Variants in SYNE2 observed in about 807,000 individuals in gnomAD.
SYNE2 encodes the protein spectrin repeat containing nuclear envelope protein 2, also known as nesprin-2.
Under a neutral mutation model 856.3 loss-of-function variants are expected in SYNE2, and 431 were observed. The observed-to-expected ratio is 0.50, with a 90% CI of 0.47 to 0.55. The LOEUF (loss-of-function observed/expected upper bound fraction) is 0.55, where lower values mean the gene tolerates loss of function less well. SYNE2 is among the 20% of genes least tolerant of loss of function. SYNE2 has a pLI of 0.00. For synonymous variants in SYNE2, 2,923 were observed against 2,872.3 expected, an observed-to-expected ratio of 1.02 and a Z score of -0.56; for missense variants, 8,129 against 8,023.2, an observed-to-expected ratio of 1.01 and a Z score of -0.50.
intron 1 of SYNE2, among the ~76,000 whole-genome samples, chr14:63,841,748 G>A (rs928978632): frequency 2.0e-5 from 3 of 151,446 alleles, no homozygotes; most frequent in Admixed American, 1.3e-4. Flanking sequence ...GAAGTTGAAT[G>A]TCTCGTAAGG....
chr14:64,085,202 A>G, intron 57 of SYNE2: 2 of 535,848 alleles, frequency 3.7e-6, no homozygotes, highest in South Asian at 5.5e-5. Context: ...CCTCCCAGGT[A>G]GTTGGGACTA....
At chr14:64,102,855 A>G (rs980507638) in intron 64 of SYNE2, among the ~76,000 whole-genome samples, 1 of 151,974 alleles carries the variant, frequency 6.6e-6, no homozygotes, top group Admixed American at 6.6e-5. Flanking sequence ...CTCTGCTTCT[A>G]TGCAGTCCAT....
intron 27 of SYNE2, among the ~76,000 whole-genome samples, chr14:63,999,757 GC>G (rs1567013482): frequency 6.6e-6 from 1 of 152,178 alleles, no homozygotes; most frequent in Non-Finnish European, 1.5e-5. Flanking sequence ...CAGATGGAGG[GC>G]CATAGGTAGT....
chr14:63,905,221 A>G (rs765467310), intron 1 of SYNE2, among the ~76,000 whole-genome samples: 1 of 152,152 alleles, frequency 6.6e-6, no homozygotes, highest in Non-Finnish European at 1.5e-5. Flanking sequence ...GCCATAGAGT[A>G]TATTTTGAAA....
intron 81 of SYNE2, 135 bp from the exon 82 acceptor site, chr14:64,141,807 G>C (rs926286013): frequency 1.1e-5 from 13 of 1,203,334 alleles, no homozygotes; most frequent in Non-Finnish European, 4.6e-6. Flanking sequence ...TTGAATGCTG[G>C]GTTTGTTTTT....
chr14:64,146,207 T>C lies in SYNE2; in HGVS notation c.15623T>C (p.Leu5208Pro), dbSNP rs750284061. 3 of 1,611,410 alleles carry C rather than the reference T, an allele frequency of 1.9e-6. No homozygotes were observed. The highest frequency in any genetic ancestry group is 1.7e-5 in the Admixed American group (1 of 59,494). ...KPESVISVQKLLLDCQDIENQ... is the reference protein window; with the variant it reads ...KPESVISVQKPLLDCQDIENQ... ...GAAAGTGTGATCTCAGTGCAGAAGC[T>C]GCTCCTGGACTGTCAGGTGAGGAGG... The change falls in exon 84 of 116, where the codon CTG becomes CCG. Residue 5208 changes from leucine to proline, a missense_variant. This residue lies in a region of SYNE2 where 5,410 missense variants were observed against 5,284.8 expected (regional missense o/e 1.02). Coordinates refer to ENST00000555002, the MANE Select transcript of SYNE2 (RefSeq NM_182914.3).
intron 67 of SYNE2, 113 bp from the exon 68 acceptor site, chr14:64,120,814 T>C (rs1226579220): frequency 1.8e-6 from 2 of 1,117,840 alleles, no homozygotes; most frequent in Non-Finnish European, 2.6e-6. Context: ...AATAACAAAA[T>C]ACCATCATTT....
intron 5 of SYNE2, 27 bp downstream of exon 5, chr14:63,941,989 C>T: frequency 6.2e-7 from 1 of 1,603,268 alleles, no homozygotes; most frequent in Non-Finnish European, 8.5e-7. Flanking sequence ...CTTAAAAATT[C>T]ACAGGAGAGA....
chr14:64,144,618 AAATT>A lies in SYNE2; in HGVS notation c.15483+674_15483+677del, dbSNP rs369352230. On this transcript the variant is annotated intron_variant, in intron 83 of 115. Coordinates refer to ENST00000555002, the MANE Select transcript of SYNE2 (RefSeq NM_182914.3). ...AACATAATGCACTTAATTAGAAAAA[AAATT>A]AATCAGATAAGGACAAAAACCCAAA... 2.3e-4 allele frequency among the ~76,000 whole-genome samples: 35 copies of A among 152,252 alleles called. 1 individual carries two copies. Among genetic ancestry groups the A allele is most frequent in the Middle Eastern group, 3.4e-3 (1 of 294 alleles).
intron 2 of SYNE2, among the ~76,000 whole-genome samples, chr14:63,924,376 T>A (rs1445497044): frequency 3.3e-5 from 5 of 152,180 alleles, no homozygotes; most frequent in African/African-American, 4.8e-5. Context: ...TAGGATTAGC[T>A]TGTCCAATTC....
Position 64,048,124 on chromosome 14 carries a change from T to C in SYNE2, c.7346T>C (p.Met2449Thr). 6.2e-7 allele frequency: 1 copy of C among 1,613,480 alleles called. No homozygotes were observed. Among genetic ancestry groups the C allele is most frequent in the Non-Finnish European group, 8.5e-7 (1 of 1,179,638 alleles). Residue 2449 changes from methionine to threonine, a missense_variant, in exon 46 of 116, where the codon ATG becomes ACG. Coordinates refer to ENST00000555002, the MANE Select transcript of SYNE2 (RefSeq NM_182914.3). ...LQNQPLELDT[M>T]LRNEQLEEIE... Reference sequence around the variant, plus strand: ...AATCAACCTTTAGAATTAGATACTATGTTAAGAAATGAACAATTAGAAGAG... The same window carrying C: ...AATCAACCTTTAGAATTAGATACTACGTTAAGAAATGAACAATTAGAAGAG...
Position 64,224,556 on chromosome 14 carries a change from C to G in SYNE2, c.20469+9C>G. 6.2e-7 allele frequency: 1 copy of G among 1,613,980 alleles called. No homozygotes were observed. The highest frequency in any genetic ancestry group is 8.5e-7 in the Non-Finnish European group (1 of 1,179,910). On this transcript the variant is annotated intron_variant, in intron 114 of 115. Transcript: ENST00000555002. ...CAGCTCCCCGAGCAAAGGTAAGAAG[C>G]CCCTTCCTTCTGTGAGAACCTCACT...
chr14:64,178,039 G>A (rs2098442514), intron 96 of SYNE2, among the ~76,000 whole-genome samples: 1 of 152,210 alleles, frequency 6.6e-6, no homozygotes, highest in East Asian at 1.9e-4. Flanking sequence ...TCCCAGGTCA[G>A]CAACTCCCTG....
intron 2 of SYNE2, among the ~76,000 whole-genome samples, chr14:63,913,144 A>T (rs2095493251): frequency 6.6e-6 from 1 of 152,156 alleles, no homozygotes; most frequent in Admixed American, 6.5e-5. Flanking sequence ...TATGATACCC[A>T]GGCTGGTTTT....
chr14:64,134,024 A>G (rs1462623558), intron 77 of SYNE2, 45 bp from the exon 78 acceptor site: 30 of 1,611,136 alleles, frequency 1.9e-5, no homozygotes, highest in Non-Finnish European at 2.2e-5. Flanking sequence ...TCTGGAACCA[A>G]TCTGGTAAAG....
rs1250883465 is a variant in SYNE2 at position 64,031,242 on chromosome 14, AGAAAG to A, written c.7112_7116del (p.Gly2371ValfsTer13). On this transcript the variant is annotated frameshift_variant, in exon 45 of 116. Transcript: ENST00000555002. LOFTEE classifies it high-confidence loss of function. ...CTCAAATCAAAACGCTCAACAGAAA[AGAAAG>A]GAAAGTTTACTCTGCCAGGCAGAGA... The A allele has an allele frequency of 6.2e-7, 1 of 1,614,072 alleles. No individual in the cohort carries two copies. Among genetic ancestry groups the A allele is most frequent in the African/African-American group, 1.3e-5 (1 of 74,934 alleles).
intron 2 of SYNE2, among the ~76,000 whole-genome samples, chr14:63,931,219 G>A (rs1209458554): frequency 1.3e-5 from 2 of 152,096 alleles, no homozygotes; most frequent in Non-Finnish European, 2.9e-5. Context: ...TGTTCAAGAC[G>A]TTTTATTAGT....
chr14:64,089,680 A>G lies in SYNE2; in HGVS notation c.11777A>G (p.His3926Arg), dbSNP rs1158534777. The change falls in exon 59 of 116, where the codon CAT becomes CGT. Residue 3926 changes from histidine to arginine, a missense_variant. Coordinates refer to ENST00000555002, the MANE Select transcript of SYNE2 (RefSeq NM_182914.3). ...ATATTTGATTTTTCACCTGAAGAAC[A>G]TCTCAAACATGGGGAGGTAAGCATA... is the stretch of plus-strand genomic sequence containing the variant. ...KEIFDFSPEE[H>R]LKHGEVILEN... 2 of 1,583,692 alleles carry G rather than the reference A, an allele frequency of 1.3e-6. No homozygotes were observed. The highest frequency in any genetic ancestry group is 1.7e-6 in the Non-Finnish European group (2 of 1,153,294).
rs2098427070 is a variant in SYNE2 at position 64,175,027 on chromosome 14, C to T, written c.17319C>T (p.Asp5773=). 2 of 1,614,028 alleles carry T rather than the reference C, an allele frequency of 1.2e-6. No individual in the cohort carries two copies. Among genetic ancestry groups the T allele is most frequent in the African/African-American group, 2.7e-5 (2 of 74,908 alleles). The change falls in exon 95 of 116, where the codon GAC becomes GAT. Residue 5773 remains aspartate, a synonymous_variant. Transcript: ENST00000555002. ...EAGEKLLLTT[D]LKTKESVGRR... ...GAGAAAAGTTACTGCTCACAACTGA[C>T]CTGAAAACTAAAGAGTCTGTGGGTA...
Sources: allele counts gnomAD v4.1 joint callset (sites outside exome capture counted in the v4.1 genomes callset), GRCh38; gene constraint gnomAD v4.1.1; regional missense constraint gnomAD v4.1.1; transcripts MANE v1.5; gene names NCBI Gene and HGNC (gene_info 2026-07-23, HGNC 2026-07-21).